The following SKIDA1 variants were observed in gnomAD, a reference collection of about 807,000 sequenced individuals.
The protein encoded by SKIDA1 is SKI/DACH domain-containing protein 1.
Under a neutral mutation model 51.4 loss-of-function variants are expected in SKIDA1, and 18 were observed. The ratio of observed to expected loss-of-function variants is 0.35; its 90% CI spans 0.24 to 0.52. The LOEUF (loss-of-function observed/expected upper bound fraction) is 0.52. SKIDA1 is among the 20% of genes least tolerant of loss of function. SKIDA1 has a pLI of 0.95. For missense variants in SKIDA1, 1,104 were observed against 1,180.6 expected, an observed-to-expected ratio of 0.94 and a Z score of 0.95; for synonymous variants, 579 against 500.5, an observed-to-expected ratio of 1.16 and a Z score of -2.09.
rs183702529 is a variant in SKIDA1, at chr10:21,521,498, C to T, written c.-1928-18G>A. 6.6e-6 allele frequency: 1 copy of T among 152,630 alleles called. No individual in the cohort carries two copies. Among genetic ancestry groups the T allele is most frequent in the Non-Finnish European group, 1.5e-5 (1 of 68,004 alleles). The allele number at this position is 152,630 out of a possible 1,614,324, so 9.5% of individuals were successfully genotyped here. ...AGCTGACTCTACAATCAAAGATGAA[C>T]CCAATTCAGATAATGGACTGTATTC... On this transcript the variant is annotated intron_variant, in intron 2 of 3. Coordinates refer to ENST00000449193, the MANE Select transcript of SKIDA1 (RefSeq NM_207371.4).
At position 21,518,067 on chromosome 10, in the gene SKIDA1, T is replaced by A. The variant is rs1368677764; in HGVS notation, c.-245A>T. 1 of 477,528 alleles carries A rather than the reference T, an allele frequency of 2.1e-6. No homozygotes were observed. Among genetic ancestry groups the A allele is most frequent in the African/African-American group, 2.0e-5 (1 of 50,912 alleles). 29.6% of individuals were successfully genotyped at this position (477,528 alleles called of 1,614,324 possible). ...GCTTTTTTGTTGTTGTTGTTTTCGT[T>A]TTTTTAAAAAAGAGGGAAAAAACCA... On this transcript the variant is annotated 5_prime_UTR_variant, in exon 4 of 4. Transcript: ENST00000449193.
At position 21,517,470 on chromosome 10, in the gene SKIDA1, G is replaced by GGCGC; in HGVS notation, c.352_353insGCGC (p.Pro118ArgfsTer58). ...GCTGGCGGCAGCGGCGCGCTCTGGC[G>GGCGC]GCGGCGCCTTTGTGGCCAGGGCCCG... On this transcript the variant is annotated frameshift_variant, in exon 4 of 4. Coordinates refer to ENST00000449193, the MANE Select transcript of SKIDA1 (RefSeq NM_207371.4). LOFTEE classifies it high-confidence loss of function. This position sits in a 1 kb window ranked among gnomAD's most constrained non-coding sequence, Gnocchi z 6.9. The GGCGC allele has an allele frequency of 6.5e-7, 1 of 1,527,788 alleles. No individual in the cohort carries two copies. The highest frequency in any genetic ancestry group is 8.8e-7 in the Non-Finnish European group (1 of 1,140,688). The allele number at this position is 1,527,788 out of a possible 1,614,324, so 94.6% of individuals were successfully genotyped here. A position where few individuals can be genotyped will look rare whatever the true frequency, so the allele number is the denominator to read the frequency against.
In SKIDA1 at chr10:21,515,712, G is replaced by A; in HGVS notation, c.2111C>T (p.Thr704Ile). The A allele has an allele frequency of 6.2e-7, 1 of 1,613,990 alleles. No homozygotes were observed. The highest frequency in any genetic ancestry group is 1.3e-5 in the African/African-American group (1 of 75,028). Residue 704 changes from threonine to isoleucine, a missense_variant, in exon 4 of 4, where the codon ACA (threonine) becomes ATA (isoleucine). Thr to Ile is a moderately conservative substitution (Grantham distance 89). Transcript: ENST00000449193. ...ATTGCACTCGCACTTTAGCTTATTTGTAAAAAGGTGAGGTTCATATTCTTC... is the reference window on the plus strand; with the variant it reads ...ATTGCACTCGCACTTTAGCTTATTTATAAAAAGGTGAGGTTCATATTCTTC... ...ANEEYEPHLF[T>I]NKLKCECNDT...
Position 21,517,935 on chromosome 10 carries a change from G to T in SKIDA1, c.-113C>A. Reference sequence around the variant, plus strand: ...TGCTGCGTGTGTCTCAAGGCATCCTGCTAATAAAATAACAAAGACTGTTAT... The same window carrying T: ...TGCTGCGTGTGTCTCAAGGCATCCTTCTAATAAAATAACAAAGACTGTTAT... On this transcript the variant is annotated 5_prime_UTR_variant, in exon 4 of 4. Transcript: ENST00000449193. This position sits in a 1 kb window ranked among gnomAD's most constrained non-coding sequence, Gnocchi z 6.9. 1 of 962,066 alleles carries T rather than the reference G, an allele frequency of 1.0e-6. No individual in the cohort carries two copies. The highest frequency in any genetic ancestry group is 2.5e-5 in the South Asian group (1 of 40,398). 59.6% of individuals were successfully genotyped at this position (962,066 alleles called of 1,614,324 possible).
chr10:21,517,231 C>T lies in SKIDA1; in HGVS notation c.592G>A (p.Ala198Thr). 6.8e-7 allele frequency: 1 copy of T among 1,464,552 alleles called. No individual in the cohort carries two copies. 90.7% of individuals were successfully genotyped at this position (1,464,552 alleles called of 1,614,324 possible). Residue 198 changes from alanine (A) to threonine (T), a missense_variant, in exon 4 of 4, where the codon GCC becomes ACC. Physicochemically the swap from Ala to Thr is moderately conservative, Grantham distance 58. This residue lies in a region of SKIDA1 where 938 missense variants were observed against 886.4 expected (regional missense o/e 1.06). Coordinates refer to ENST00000449193, the MANE Select transcript of SKIDA1 (RefSeq NM_207371.4). The surrounding 1 kb of genome is among the most constrained non-coding windows in gnomAD (Gnocchi z 6.9). Reference sequence around the variant, plus strand: ...GCGACGTAGTTTCCCTGGAGCGGGGCAGTTTCATAGTTTAGAGGGGGTTTG... The same window carrying T: ...GCGACGTAGTTTCCCTGGAGCGGGGTAGTTTCATAGTTTAGAGGGGGTTTG... The part of the protein sequence containing the change: ...PCKPPLNYET[A>T]PLQGNYVAFP...
chr10:21,515,036 T>C lies in SKIDA1; in HGVS notation c.*60A>G. On this transcript the variant is annotated 3_prime_UTR_variant, in exon 4 of 4. Transcript: ENST00000449193. ...ATTAATGGACTTGTACAAACCATCC[T>C]GTGCAGTTTACAACAAAAGGAAGGT... The C allele has an allele frequency of 6.7e-7, 1 of 1,487,716 alleles. No homozygotes were observed. Among genetic ancestry groups the C allele is most frequent in the Non-Finnish European group, 8.9e-7 (1 of 1,120,150 alleles). 92.2% of individuals were successfully genotyped at this position (1,487,716 alleles called of 1,614,324 possible). A position where few individuals can be genotyped will look rare whatever the true frequency, so the allele number is the denominator to read the frequency against.
At chr10:21,522,266 A>ACACCCCCCCC (rs2032419701) in intron 2 of SKIDA1, among the ~76,000 whole-genome samples, 1 of 30,440 alleles carries the variant, frequency 3.3e-5, no homozygotes, top group Non-Finnish European at 6.1e-5. Flanking sequence ...GATCACAGCC[A>ACACCCCCCCC]CCCCCCCCCC....
intron 3 of SKIDA1, 108 bp downstream of exon 3, chr10:21,521,281 C>T (rs1181557229): frequency 1.3e-5 from 2 of 152,448 alleles, no homozygotes; most frequent in East Asian, 1.9e-4. Flanking sequence ...TAGCTACCAA[C>T]ATTTATGGCT....
chr10:21,515,071 C>A lies in SKIDA1; in HGVS notation c.*25G>T. The A allele has an allele frequency of 2.6e-6, 4 of 1,551,534 alleles. No homozygotes were observed. Among genetic ancestry groups the A allele is most frequent in the South Asian group, 1.2e-5 (1 of 81,554 alleles). Reference sequence around the variant, plus strand: ...ACAACAAAAGGAAGGTAATATGGTTCAAGAAAATATCTTCCAAAACATTTT... The same window carrying A: ...ACAACAAAAGGAAGGTAATATGGTTAAAGAAAATATCTTCCAAAACATTTT... On this transcript the variant is annotated 3_prime_UTR_variant, in exon 4 of 4. Coordinates refer to ENST00000449193, the MANE Select transcript of SKIDA1 (RefSeq NM_207371.4).
chr10:21,516,825 C>A lies in SKIDA1; in HGVS notation c.998G>T (p.Cys333Phe), dbSNP rs748453245. The A allele has an allele frequency of 1.9e-6, 3 of 1,541,608 alleles. No individual in the cohort carries two copies. The South Asian group carries it at 3.6e-5, about 18-fold the overall frequency. ...GTGGTGGTGGTGGTGCGGAGGCGGG[C>A]AGAAGCCGTTGACCAGATGAAACCT... is the stretch of plus-strand genomic sequence containing the variant. ...LERFHLVNGF[C>F]PPPHHHHHHH... The change falls in exon 4 of 4, where the codon TGC (cysteine) becomes TTC (phenylalanine). Residue 333 changes from cysteine to phenylalanine, a missense_variant. Cys to Phe is a radical substitution (Grantham distance 205). Coordinates refer to ENST00000449193, the MANE Select transcript of SKIDA1 (RefSeq NM_207371.4). This position sits in a 1 kb window ranked among gnomAD's most constrained non-coding sequence, Gnocchi z 5.7.
rs890835552 is a variant in SKIDA1, at chr10:21,515,149, C to G, written c.2674G>C (p.Gly892Arg). Residue 892 changes from glycine to arginine, a missense_variant, in exon 4 of 4, where the codon GGT becomes CGT. Physicochemically the swap from Gly to Arg is moderately radical, Grantham distance 125. Transcript: ENST00000449193. Reference sequence around the variant, plus strand: ...CTAGGTGGAAGAGGTATTGCAGAACCGCCCAGCTGCCATTTCCATATAGGA... The same window carrying G: ...CTAGGTGGAAGAGGTATTGCAGAACGGCCCAGCTGCCATTTCCATATAGGA... The part of the protein sequence containing the change: ...AHPIWKWQLG[G>R]SAIPLPPSHK... 3.7e-6 allele frequency: 6 copies of G among 1,613,496 alleles called. No individual in the cohort carries two copies. Among genetic ancestry groups the G allele is most frequent in the Middle Eastern group, 1.6e-4 (1 of 6,062 alleles).
At position 21,518,662 on chromosome 10, in the gene SKIDA1, T is replaced by A. The variant is rs983869274; in HGVS notation, c.-840A>T. 1.2e-5 allele frequency: 2 copies of A among 166,942 alleles called. No individual in the cohort carries two copies. Among genetic ancestry groups the A allele is most frequent in the Non-Finnish European group, 2.9e-5 (2 of 68,102 alleles). The allele number at this position is 166,942 out of a possible 1,614,324, so 10.3% of individuals were successfully genotyped here. On this transcript the variant is annotated 5_prime_UTR_variant, in exon 4 of 4. Transcript: ENST00000449193. ...AAAGAAAAGCATTTAAAAAACATTA[T>A]CAAGCCGAAAGAGAGATACCCCACC...
Position 21,516,175 on chromosome 10 carries a change from C to T in SKIDA1, c.1648G>A (p.Val550Ile), listed in dbSNP as rs1834526694. ...GAGTGTGGGAATGTAATCTCAGATA[C>T]CCTATCGTTCCTTATCTCAGCGAAA... ...SCFAEIRNDR[V>I]SEITFPHSEI... Residue 550 changes from valine to isoleucine, a missense_variant, in exon 4 of 4, where the codon GTA becomes ATA. Transcript: ENST00000449193. The surrounding 1 kb of genome is among the most constrained non-coding windows in gnomAD (Gnocchi z 5.7). 1 of 1,614,034 alleles carries T rather than the reference C, an allele frequency of 6.2e-7. No homozygotes were observed. The highest frequency in any genetic ancestry group is 8.5e-7 in the Non-Finnish European group (1 of 1,179,902).
rs867723757 is a variant in SKIDA1 at position 21,524,162 on chromosome 10, A to G, written c.-2117-291T>C. ...CCAATTTTTACACTAATAAATTTCA[A>G]GTAAACGTCTCTTTTAAAGTTGTTC... On this transcript the variant is annotated intron_variant, in intron 1 of 3. Coordinates refer to ENST00000449193, the MANE Select transcript of SKIDA1 (RefSeq NM_207371.4). Among the ~76,000 whole-genome samples, 9 of 152,332 alleles carry G rather than the reference A, an allele frequency of 5.9e-5. No individual in the cohort carries two copies. In the Middle Eastern group the frequency reaches 0.014, roughly 230 times the overall value.
rs1477521473 is a variant in SKIDA1 at position 21,517,256 on chromosome 10, G to A, written c.567C>T (p.Cys189=). Residue 189 remains cysteine, a synonymous_variant, in exon 4 of 4, where the codon TGC becomes TGT. Transcript: ENST00000449193. The surrounding 1 kb of genome is among the most constrained non-coding windows in gnomAD (Gnocchi z 6.9). ...CAGTTTCATAGTTTAGAGGGGGTTT[G>A]CACGGCGAGCGCACGATCTCCGGGT... is the stretch of plus-strand genomic sequence containing the variant. The part of the protein sequence containing the change: ...SHYPEIVRSP[C]KPPLNYETAP... The A allele has an allele frequency of 1.4e-6, 2 of 1,474,970 alleles. No individual in the cohort carries two copies. The highest frequency in any genetic ancestry group is 4.9e-5 in the Admixed American group (2 of 40,682). The allele number at this position is 1,474,970 out of a possible 1,614,324, so 91.4% of individuals were successfully genotyped here.
Position 21,517,753 on chromosome 10 carries a change from T to C in SKIDA1, c.70A>G (p.Lys24Glu). Reference protein sequence around the residue: ...VRLGYLIIKGKQMFALSQVFT... With the variant: ...VRLGYLIIKGEQMFALSQVFT... ...ACTTGGGAGAGGGCAAACATTTGCT[T>C]CCCTTTAATGATGAGGTAGCCGAGC... The change falls in exon 4 of 4, where the codon AAG becomes GAG. Residue 24 changes from lysine to glutamate, a missense_variant. Coordinates refer to ENST00000449193, the MANE Select transcript of SKIDA1 (RefSeq NM_207371.4). The surrounding 1 kb of genome is among the most constrained non-coding windows in gnomAD (Gnocchi z 6.9). 6.2e-7 allele frequency: 1 copy of C among 1,613,904 alleles called. No homozygotes were observed. The highest frequency in any genetic ancestry group is 8.5e-7 in the Non-Finnish European group (1 of 1,179,850).
Position 21,517,436 on chromosome 10 carries a change from C to T in SKIDA1, c.387G>A (p.Pro129=). 6.7e-7 allele frequency: 1 copy of T among 1,492,990 alleles called. No individual in the cohort carries two copies. Among genetic ancestry groups the T allele is most frequent in the Non-Finnish European group, 8.9e-7 (1 of 1,127,342 alleles). 92.5% of individuals were successfully genotyped at this position (1,492,990 alleles called of 1,614,324 possible). A position where few individuals can be genotyped will look rare whatever the true frequency, so the allele number is the denominator to read the frequency against. Residue 129 remains proline, a synonymous_variant, in exon 4 of 4, where the codon CCG becomes CCA. Coordinates refer to ENST00000449193, the MANE Select transcript of SKIDA1 (RefSeq NM_207371.4). The surrounding 1 kb of genome is among the most constrained non-coding windows in gnomAD (Gnocchi z 6.9). ...PERAAAASPR[P]GFWKDKHQLW... Reference sequence around the variant, plus strand: ...GTTGGTGCTTGTCCTTCCAAAATCCCGGGCGGGGGCTGGCGGCAGCGGCGC... The same window carrying T: ...GTTGGTGCTTGTCCTTCCAAAATCCTGGGCGGGGGCTGGCGGCAGCGGCGC...
chr10:21,524,213 T>C (rs1237065259), intron 1 of SKIDA1, among the ~76,000 whole-genome samples: 1 of 152,192 alleles, frequency 6.6e-6, no homozygotes, highest in Non-Finnish European at 1.5e-5. Context: ...CAAACTTCTA[T>C]TTCCTTTCTC....
At chr10:21,519,900 C>T (rs529138202) in intron 3 of SKIDA1, among the ~76,000 whole-genome samples, 1 of 126,412 alleles carries the variant, frequency 7.9e-6, no homozygotes, top group Non-Finnish European at 1.6e-5. Context: ...TTGGGAATTT[C>T]AAGAAGTGCA....
Sources: gnomAD v4.1 joint callset for allele counts (sites outside exome capture counted in the v4.1 genomes callset) on GRCh38, gnomAD v4.1.1 for gene constraint, gnomAD v4.1.1 regional missense constraint, Gnocchi (gnomAD v3.1) non-coding constraint, MANE v1.5 for transcripts, NCBI Gene and HGNC (gene_info 2026-07-23, HGNC 2026-07-21) for gene names.